The following SHC1 variants were observed in gnomAD, a reference collection of about 807,000 sequenced individuals.
SHC1 encodes the protein SHC adaptor protein 1.
Under a neutral mutation model 55.9 loss-of-function variants are expected in SHC1, and 30 were observed. That is an observed-to-expected ratio of 0.54 (90% CI 0.40 to 0.73). SHC1 has a LOEUF of 0.73. SHC1 is among the 30% of genes least tolerant of loss of function. The pLI is 0.00. For missense variants in SHC1, 675 were observed against 777.1 expected, an observed-to-expected ratio of 0.87 and a Z score of 1.56; for synonymous variants, 309 against 306.1, an observed-to-expected ratio of 1.01 and a Z score of -0.10.
upstream of SHC1, among the ~76,000 whole-genome samples, chr1:154,971,009 G>A (rs1656693339): frequency 6.6e-6 from 1 of 152,102 alleles, no homozygotes; most frequent in South Asian, 2.1e-4. Context: ...GGAAAGGAAG[G>A]AGATAGGAGG....
chr1:154,972,245 C>CAA (rs796192783), upstream of SHC1, among the ~76,000 whole-genome samples: 2 of 130,900 alleles, frequency 1.5e-5, no homozygotes, highest in African/African-American at 5.6e-5. Flanking sequence ...AACTCCGTCT[C>CAA]AAAAAAAAAA....
At chr1:154,963,959 A>G (rs772175384) in intron 11 of SHC1, 28 bp from the exon 12 acceptor site, 5 of 1,613,496 alleles carry the variant, frequency 3.1e-6, no homozygotes, top group Non-Finnish European at 4.2e-6. Context: ...AAGAAGGTCA[A>G]TTCAGGTGAA....
chr1:154,965,638 C>T lies in SHC1; in HGVS notation c.1531G>A (p.Val511Ile), dbSNP rs558758692. Residue 511 changes from valine to isoleucine, a missense_variant, in exon 11 of 12, where the codon GTA becomes ATA. Physicochemically the swap from Val to Ile is conservative, Grantham distance 29 (BLOSUM62 3). Coordinates refer to ENST00000448116, the MANE Select transcript of SHC1 (RefSeq NM_001130040.2). Reference protein sequence around the residue: ...ALLQLNGDFLVRESTTTPGQY... With the variant: ...ALLQLNGDFLIRESTTTPGQY... ...CCAGGTGTGGTCGTGCTCTCCCGTA[C>T]CAGGAAGTCCCCATTGAGCTGCAGC... 2 of 1,614,144 alleles carry T rather than the reference C, an allele frequency of 1.2e-6. No individual in the cohort carries two copies. Among genetic ancestry groups the T allele is most frequent in the South Asian group, 2.2e-5 (2 of 91,074 alleles).
Position 154,968,848 on chromosome 1 carries a change from G to GA in SHC1, c.567-15_567-14insT, listed in dbSNP as rs768113931. The GA allele has an allele frequency of 6.2e-7, 1 of 1,613,238 alleles. No individual in the cohort carries two copies. The highest frequency in any genetic ancestry group is 8.5e-7 in the Non-Finnish European group (1 of 1,179,214). On this transcript the variant is annotated splice_polypyrimidine_tract_variant and intron_variant, in intron 2 of 11. Transcript: ENST00000448116. ...CTGATGGCCTCCCTGGGGAAAGAGGGGTACTCAGACCCAGCGCCTGCCTGC... is the reference window on the plus strand; with the variant it reads ...CTGATGGCCTCCCTGGGGAAAGAGGGAGTACTCAGACCCAGCGCCTGCCTGC...
chr1:154,964,052 G>GA lies in SHC1; in HGVS notation c.1627-122dup, dbSNP rs776454104. On this transcript the variant is annotated intron_variant, in intron 11 of 11. Coordinates refer to ENST00000448116, the MANE Select transcript of SHC1 (RefSeq NM_001130040.2). ...GAAGGAGGAGAAAAAAATGGTGGGGGAGAGTGTGGCCTGTCAATCCTGATC... is the reference window on the plus strand; with the variant it reads ...GAAGGAGGAGAAAAAAATGGTGGGGGAAGAGTGTGGCCTGTCAATCCTGATC... The GA allele has an allele frequency of 2.6e-5, 27 of 1,019,328 alleles. No homozygotes were observed. In the East Asian group the frequency reaches 6.4e-4, roughly 24 times the overall value. The allele number at this position is 1,019,328 out of a possible 1,614,324, so 63.1% of individuals were successfully genotyped here.
chr1:154,966,457 C>T lies in SHC1; in HGVS notation c.1044G>A (p.Gln348=). The stretch of plus-strand genomic sequence containing the variant: ...CCTTCCCCGGGAAGTCATTATAGTA[C>T]TGATGGTCAGGTGGCTCTTCCTCCT... ...DEEEEEPPDH[Q]YYNDFPGKEP... The change falls in exon 8 of 12, where the codon CAG becomes CAA. Residue 348 remains glutamine, a synonymous_variant. Coordinates refer to ENST00000448116, the MANE Select transcript of SHC1 (RefSeq NM_001130040.2). The T allele has an allele frequency of 6.2e-7, 1 of 1,612,148 alleles. No homozygotes were observed. The highest frequency in any genetic ancestry group is 1.7e-5 in the Admixed American group (1 of 59,786).
At position 154,963,774 on chromosome 1, in the gene SHC1, C is replaced by T. The variant is rs750211151; in HGVS notation, c.*29G>A. 6 of 1,610,804 alleles carry T rather than the reference C, an allele frequency of 3.7e-6. No individual in the cohort carries two copies. In the South Asian group the frequency reaches 4.4e-5, roughly 12 times the overall value. ...GAATAGGGTGGAAAGGATTGGAGGGCATCTTCTGGAAGAGAGCGCTAGGGC... is the reference window on the plus strand; with the variant it reads ...GAATAGGGTGGAAAGGATTGGAGGGTATCTTCTGGAAGAGAGCGCTAGGGC... On this transcript the variant is annotated 3_prime_UTR_variant, in exon 12 of 12. Coordinates refer to ENST00000448116, the MANE Select transcript of SHC1 (RefSeq NM_001130040.2).
chr1:154,969,269 C>T (rs890337109), intron 2 of SHC1, 109 bp downstream of exon 2: 19 of 746,548 alleles, frequency 2.5e-5, no homozygotes, highest in African/African-American at 1.6e-4. Context: ...CCCTTTACTA[C>T]GCAAAGATCA....
At chr1:154,965,492 T>C (rs1655834736) in intron 11 of SHC1, 51 bp downstream of exon 11, 2 of 1,613,784 alleles carry the variant, frequency 1.2e-6, no homozygotes, top group African/African-American at 1.3e-5. Context: ...CACTGTAGGG[T>C]ACTGTACCTT....
chr1:154,971,013 T>C (rs890061931), upstream of SHC1, among the ~76,000 whole-genome samples: 5 of 151,262 alleles, frequency 3.3e-5, no homozygotes, highest in South Asian at 2.1e-4. Flanking sequence ...AGGAAGGAGA[T>C]AGGAGGTCTG....
Position 154,970,095 on chromosome 1 carries a change from G to C in SHC1, c.432C>G (p.Pro144=), listed in dbSNP as rs1558061322. The C allele has an allele frequency of 6.2e-7, 1 of 1,614,000 alleles. No individual in the cohort carries two copies. Residue 144 remains proline (P), a synonymous_variant, in exon 1 of 12, where the codon CCC becomes CCG. Transcript: ENST00000448116. This position sits in a 1 kb window ranked among gnomAD's most constrained non-coding sequence, Gnocchi z 5.5. ...CGTTGGGATGCAGCCAGCCCCGCGT[G>C]GGCTTATTGACAAAGCTCCCGTGGC... ...WTRHGSFVNK[P]TRGWLHPNDK...
At position 154,966,395 on chromosome 1, in the gene SHC1, C is replaced by T. The variant is rs149067447; in HGVS notation, c.1106G>A (p.Arg369Gln). The change falls in exon 8 of 12, where the codon CGG becomes CAG. Residue 369 changes from arginine (R) to glutamine (Q), a missense_variant. Around this residue, in one of 3 missense-constraint regions of SHC1, gnomAD observed 360 missense variants for 371.1 expected, o/e 0.97. Coordinates refer to ENST00000448116, the MANE Select transcript of SHC1 (RefSeq NM_001130040.2). Reference sequence around the variant, plus strand: ...AGCAGCCCCTGGAGCGGCTCCTTCCCGAAGCCTCATGTCTACCACCCCCCC... The same window carrying T: ...AGCAGCCCCTGGAGCGGCTCCTTCCTGAAGCCTCATGTCTACCACCCCCCC... ...PLGGVVDMRL[R>Q]EGAAPGAARP... 1.8e-3 allele frequency: 2,869 copies of T among 1,614,030 alleles called. 3 individuals carry two copies. The highest frequency in any genetic ancestry group is 2.2e-3 in the Non-Finnish European group (2,618 of 1,179,952).
rs781717918 is a variant in SHC1, at chr1:154,963,063, C to A, written c.*740G>T. The A allele has an allele frequency of 6.5e-6, 1 of 152,746 alleles. No individual in the cohort carries two copies. Among genetic ancestry groups the A allele is most frequent in the Non-Finnish European group, 1.5e-5 (1 of 68,082 alleles). 9.5% of individuals were successfully genotyped at this position (152,746 alleles called of 1,614,324 possible). On this transcript the variant is annotated 3_prime_UTR_variant, in exon 12 of 12. Transcript: ENST00000448116. Reference sequence around the variant, plus strand: ...TAGGCATGCAACATGGGAGGGCAGGCCTTATGAAATGTATATACAGACCCC... The same window carrying A: ...TAGGCATGCAACATGGGAGGGCAGGACTTATGAAATGTATATACAGACCCC...
upstream of SHC1, among the ~76,000 whole-genome samples, chr1:154,972,109 G>C (rs112442760): frequency 9.5e-3 from 1,441 of 152,020 alleles, 22 homozygotes; most frequent in African/African-American, 0.034. Flanking sequence ...TTAGCTGGGC[G>C]TGGTGGCGGG....
Position 154,963,948 on chromosome 1 carries a change from G to T in SHC1, c.1627-17C>A. On this transcript the variant is annotated splice_polypyrimidine_tract_variant and intron_variant, in intron 11 of 11. Transcript: ENST00000448116. ...AGTCCGAACCTGGGAGGGTGGGAAG[G>T]AAGAAGGTCAATTCAGGTGAAGAGT... 6.2e-7 allele frequency: 1 copy of T among 1,613,842 alleles called. No individual in the cohort carries two copies. Among genetic ancestry groups the T allele is most frequent in the Non-Finnish European group, 8.5e-7 (1 of 1,179,836 alleles).
chr1:154,966,019 C>T lies in SHC1; in HGVS notation c.1314G>A (p.Arg438=). The T allele has an allele frequency of 6.2e-7, 1 of 1,614,090 alleles. No homozygotes were observed. The highest frequency in any genetic ancestry group is 8.5e-7 in the Non-Finnish European group (1 of 1,179,988). ...YVNVQNLDKA[R]QAVGGAGPPN... Reference sequence around the variant, plus strand: ...GGGGCCCAGCACCACCCACTGCTTGCCGGGCCTTGTCTAGGTTCTGGACGT... The same window carrying T: ...GGGGCCCAGCACCACCCACTGCTTGTCGGGCCTTGTCTAGGTTCTGGACGT... Residue 438 remains arginine (R), a synonymous_variant, in exon 10 of 12, where the codon CGG becomes CGA. Coordinates refer to ENST00000448116, the MANE Select transcript of SHC1 (RefSeq NM_001130040.2).
chr1:154,969,360 C>T lies in SHC1; in HGVS notation c.566+18G>A. Reference sequence around the variant, plus strand: ...CACTAATCCCAGGACTCCCACAATCCACTCCCTCCCCACTAACCTGGTGAC... The same window carrying T: ...CACTAATCCCAGGACTCCCACAATCTACTCCCTCCCCACTAACCTGGTGAC... On this transcript the variant is annotated intron_variant, in intron 2 of 11. Transcript: ENST00000448116. 1 of 1,584,474 alleles carries T rather than the reference C, an allele frequency of 6.3e-7. No individual in the cohort carries two copies.
chr1:154,968,374 T>C (rs1368733734), intron 4 of SHC1, 117 bp from the exon 5 acceptor site: 1 of 1,551,568 alleles, frequency 6.4e-7, no homozygotes, highest in Admixed American at 1.7e-5. Context: ...CATATCCTCA[T>C]TTCCTCCTTC....
upstream of SHC1, among the ~76,000 whole-genome samples, chr1:154,972,538 C>T (rs1482134441): frequency 4.6e-5 from 7 of 152,286 alleles, no homozygotes; most frequent in Middle Eastern, 3.4e-3. Context: ...CCAAAACACA[C>T]AAACACACAC....
Sources: allele counts gnomAD v4.1 joint callset (sites outside exome capture counted in the v4.1 genomes callset), GRCh38; gene constraint gnomAD v4.1.1; regional missense constraint gnomAD v4.1.1; non-coding constraint Gnocchi (gnomAD v3.1); transcripts MANE v1.5; gene names NCBI Gene and HGNC (gene_info 2026-07-23, HGNC 2026-07-21).